The following TNR variants were observed in gnomAD, a reference collection of about 807,000 sequenced individuals.
TNR encodes the protein tenascin R.
In TNR, 45 loss-of-function variants were observed where a neutral mutation model predicts 150.4. That is an observed-to-expected ratio of 0.30 (90% CI 0.24 to 0.38). The LOEUF (loss-of-function observed/expected upper bound fraction) is 0.38, where lower values mean the gene tolerates loss of function less well. Ranked by LOEUF, TNR falls within the 10% of genes least tolerant of loss-of-function variation. The pLI is 1.00. For missense variants in TNR, 1,544 were observed against 1,759.1 expected (o/e 0.88, Z 2.19); for synonymous variants, 687 against 678.4 (o/e 1.01, Z -0.20).
chr1:175,620,678 G>T (rs543354782), intron 1 of TNR, among the ~76,000 whole-genome samples: 1 of 152,154 alleles, frequency 6.6e-6, no homozygotes, highest in Non-Finnish European at 1.5e-5. Flanking sequence ...CCTAGGATGC[G>T]CTCCTGAATT....
At chr1:175,592,889 G>T (rs1279371989) in intron 1 of TNR, among the ~76,000 whole-genome samples, 21 of 152,156 alleles carry the variant, frequency 1.4e-4, no homozygotes, top group Admixed American at 1.2e-3. Context: ...CTCATTAATG[G>T]CCAAGCAAGA....
rs1649456852 is a variant in TNR at position 175,327,298 on chromosome 1, A to T, written c.3793+2776T>A. On this transcript the variant is annotated intron_variant, in intron 21 of 22. Transcript: ENST00000367674. ...CATTTCTGCCTCATATAGCCACCTC[A>T]TGTGTTTAACACATTAAGTCCTGGT... Among the ~76,000 whole-genome samples the T allele has an allele frequency of 2.6e-5, 4 of 152,118 alleles. 1 individual carries two copies. In the South Asian group the frequency reaches 8.3e-4, roughly 32 times the overall value.
At chr1:175,601,048 T>C (rs1476361977) in intron 1 of TNR, among the ~76,000 whole-genome samples, 1 of 152,254 alleles carries the variant, frequency 6.6e-6, no homozygotes, top group South Asian at 2.1e-4. Context: ...GAAATGATAT[T>C]GTAGTTTCAA....
chr1:175,420,599 C>T (rs1443104814), intron 2 of TNR, among the ~76,000 whole-genome samples: 1 of 152,194 alleles, frequency 6.6e-6, no homozygotes, highest in Non-Finnish European at 1.5e-5. Context: ...CTACCTTTCC[C>T]CTTTTGAAAA....
chr1:175,438,962 T>C (rs369291328), intron 2 of TNR, among the ~76,000 whole-genome samples: 27 of 152,112 alleles, frequency 1.8e-4, no homozygotes, highest in African/African-American at 5.6e-4. Context: ...AGGTAATTTA[T>C]AGATTCAATG....
intron 2 of TNR, among the ~76,000 whole-genome samples, chr1:175,478,299 TGGGAGGAAGAGA>T (rs1657637801): frequency 6.6e-6 from 1 of 152,074 alleles, no homozygotes; most frequent in East Asian, 1.9e-4. Context: ...AACATTAGTA[TGGGAGGAAGAGA>T]AGAAGGAAGA....
intron 1 of TNR, among the ~76,000 whole-genome samples, chr1:175,667,625 T>C (rs1227210543): frequency 6.6e-6 from 1 of 152,100 alleles, no homozygotes; most frequent in Non-Finnish European, 1.5e-5. Context: ...TAACACAAAC[T>C]GGGAGATACA....
intron 1 of TNR, among the ~76,000 whole-genome samples, chr1:175,580,389 A>G (rs1225249304): frequency 2.0e-5 from 3 of 152,200 alleles, no homozygotes; most frequent in Admixed American, 6.5e-5. Context: ...CTCTATTTGC[A>G]TATGAAATGT....
intron 1 of TNR, among the ~76,000 whole-genome samples, chr1:175,565,793 T>C (rs1209789748): frequency 6.6e-6 from 1 of 152,186 alleles, no homozygotes; most frequent in Non-Finnish European, 1.5e-5. Context: ...ATGATTCTAG[T>C]TAAATAAATT....
At chr1:175,602,731 T>C (rs750138852) in intron 1 of TNR, among the ~76,000 whole-genome samples, 3 of 152,184 alleles carry the variant, frequency 2.0e-5, no homozygotes, top group Non-Finnish European at 2.9e-5. Context: ...TATCAGTTAT[T>C]AGAAGGAGGA....
At chr1:175,394,534 A>G (rs1413323168) in intron 5 of TNR, among the ~76,000 whole-genome samples, 1 of 152,022 alleles carries the variant, frequency 6.6e-6, no homozygotes, top group African/African-American at 2.4e-5. Flanking sequence ...TTCTCCCCCA[A>G]CCACACAGTC....
At chr1:175,485,626 T>G (rs35628064) in intron 2 of TNR, among the ~76,000 whole-genome samples, 53,005 of 152,084 alleles carry the variant, frequency 0.35, 9,493 homozygotes, top group Non-Finnish European at 0.38. Context: ...CTGCCACACA[T>G]GCTGGATCCT....
At chr1:175,670,848 T>C (rs1279635278) in intron 1 of TNR, among the ~76,000 whole-genome samples, 1 of 152,188 alleles carries the variant, frequency 6.6e-6, no homozygotes, top group Non-Finnish European at 1.5e-5. Flanking sequence ...AAGATATTAA[T>C]GTTGTTCTGA....
At chr1:175,671,242 A>G (rs933677324) in intron 1 of TNR, among the ~76,000 whole-genome samples, 6 of 152,176 alleles carry the variant, frequency 3.9e-5, no homozygotes, top group Admixed American at 2.6e-4. Flanking sequence ...GGAGCCTGTG[A>G]CCACCCAGGT....
At chr1:175,394,551 A>T in intron 5 of TNR, among the ~76,000 whole-genome samples, 1 of 152,064 alleles carries the variant, frequency 6.6e-6, no homozygotes. Context: ...AGTCACATAC[A>T]CATGCACAGG....
chr1:175,355,397 T>G, intron 17 of TNR, 106 bp downstream of exon 17: 1 of 1,467,430 alleles, frequency 6.8e-7, no homozygotes, highest in South Asian at 1.3e-5. Flanking sequence ...CCTTGTGGAT[T>G]GCTTCCTTCC....
chr1:175,491,033 G>A (rs900997504), intron 2 of TNR, among the ~76,000 whole-genome samples: 2 of 152,242 alleles, frequency 1.3e-5, no homozygotes, highest in Admixed American at 6.5e-5. Flanking sequence ...GGAATAATAT[G>A]TAGCCATAAA....
At chr1:175,683,545 T>C (rs1328159235) in intron 1 of TNR, among the ~76,000 whole-genome samples, 1 of 152,228 alleles carries the variant, frequency 6.6e-6, no homozygotes, top group Non-Finnish European at 1.5e-5. Flanking sequence ...CATCTGCCCA[T>C]GCCCCTTCAG....
chr1:175,460,646 A>G (rs1481525866), intron 2 of TNR, among the ~76,000 whole-genome samples: 13 of 152,238 alleles, frequency 8.5e-5, no homozygotes, highest in Non-Finnish European at 5.9e-5. Flanking sequence ...TGAGGCAAGA[A>G]TTGTTACTCC....
Sources: gnomAD v4.1 joint callset for allele counts (sites outside exome capture counted in the v4.1 genomes callset) on GRCh38, gnomAD v4.1.1 for gene constraint, MANE v1.5 for transcripts, NCBI Gene and HGNC (gene_info 2026-07-23, HGNC 2026-07-21) for gene names.